Variants in HIBADH observed in about 807,000 individuals in gnomAD.
HIBADH encodes the protein 3-hydroxyisobutyrate dehydrogenase, mitochondrial.
A neutral mutation model predicts 36.1 loss-of-function variants in HIBADH; 25 were observed. The observed-to-expected ratio is 0.69, with a 90% CI of 0.50 to 0.97. The LOEUF is 0.97. HIBADH is among the 50% of genes least tolerant of loss of function. The pLI is 0.00. For missense variants in HIBADH, 421 were observed against 418.0 expected, an observed-to-expected ratio of 1.01 and a Z score of -0.06; for synonymous variants, 160 against 149.5, an observed-to-expected ratio of 1.07 and a Z score of -0.51.
intron 4 of HIBADH, among the ~76,000 whole-genome samples, chr7:27,591,848 C>G (rs1488004388): frequency 6.6e-6 from 1 of 152,140 alleles, no homozygotes; most frequent in Non-Finnish European, 1.5e-5. Flanking sequence ...TCATGCTAGC[C>G]TTTTATATCC....
intron 2 of HIBADH, among the ~76,000 whole-genome samples, chr7:27,643,585 T>G (rs149183644): frequency 6.6e-6 from 1 of 152,216 alleles, no homozygotes; most frequent in African/African-American, 2.4e-5. Flanking sequence ...CTAAGTGGTA[T>G]AGAAAGATTC....
At chr7:27,610,078 C>T (rs1335025766) in intron 4 of HIBADH, among the ~76,000 whole-genome samples, 1 of 152,028 alleles carries the variant, frequency 6.6e-6, no homozygotes, top group Non-Finnish European at 1.5e-5. Context: ...CTCAGCCTCC[C>T]AAAGTGCTGG....
chr7:27,569,456 T>C (rs1040147890), intron 4 of HIBADH, among the ~76,000 whole-genome samples: 1 of 152,160 alleles, frequency 6.6e-6, no homozygotes, highest in African/African-American at 2.4e-5. Context: ...CAGGATGTAT[T>C]TGAATCTGTC....
intron 2 of HIBADH, among the ~76,000 whole-genome samples, chr7:27,643,659 A>G (rs964026198): frequency 3.9e-5 from 6 of 152,224 alleles, no homozygotes; most frequent in African/African-American, 1.4e-4. Context: ...CTGCTGCAAC[A>G]AGTTACCACA....
intron 2 of HIBADH, among the ~76,000 whole-genome samples, chr7:27,633,437 T>C (rs1000998649): frequency 6.6e-6 from 1 of 152,060 alleles, no homozygotes; most frequent in Admixed American, 6.6e-5. Context: ...GCAGAAGGAT[T>C]GCCTGAACCC....
In HIBADH at chr7:27,566,516, T is replaced by C. The variant is rs117981459; in HGVS notation, c.485-23416A>G. ...TCAAAAGTAGCAGCCTTGGGTTTTATTGATTTTCTTTAATGTTTTTCTGTT... is the reference window on the plus strand; with the variant it reads ...TCAAAAGTAGCAGCCTTGGGTTTTACTGATTTTCTTTAATGTTTTTCTGTT... On this transcript the variant is annotated intron_variant, in intron 4 of 7. Transcript: ENST00000265395. 6.6e-5 allele frequency among the ~76,000 whole-genome samples: 10 copies of C among 152,216 alleles called. No individual in the cohort carries two copies. The East Asian group carries it at 1.7e-3, about 26-fold the overall frequency.
intron 4 of HIBADH, among the ~76,000 whole-genome samples, chr7:27,584,726 C>T (rs570124457): frequency 3.3e-5 from 5 of 151,940 alleles, no homozygotes; most frequent in Admixed American, 6.5e-5. Flanking sequence ...AAGACATGTA[C>T]TCAACATTAA....
intron 4 of HIBADH, among the ~76,000 whole-genome samples, chr7:27,612,726 G>C (rs1259709713): frequency 6.6e-6 from 1 of 151,530 alleles, no homozygotes; most frequent in Non-Finnish European, 1.5e-5. Context: ...TTGGGCCTAA[G>C]AGTTGGAGAT....
intron 4 of HIBADH, among the ~76,000 whole-genome samples, chr7:27,615,476 T>C (rs539682781): frequency 7.9e-5 from 12 of 152,318 alleles, no homozygotes; most frequent in African/African-American, 2.2e-4. Flanking sequence ...GTTTAACAGC[T>C]AGACATACTA....
chr7:27,573,777 T>C (rs1196399921), intron 4 of HIBADH, among the ~76,000 whole-genome samples: 2 of 152,180 alleles, frequency 1.3e-5, no homozygotes, highest in East Asian at 3.8e-4. Context: ...GTGCTTTAAG[T>C]GTAAAACACA....
intron 6 of HIBADH, among the ~76,000 whole-genome samples, chr7:27,536,542 T>C (rs1370858309): frequency 6.6e-6 from 1 of 152,252 alleles, no homozygotes; most frequent in South Asian, 2.1e-4. Context: ...CTTACATCTC[T>C]ATTTTTTATC....
intron 4 of HIBADH, among the ~76,000 whole-genome samples, chr7:27,549,255 TGA>T (rs1404231490): frequency 6.6e-6 from 1 of 152,210 alleles, no homozygotes; most frequent in African/African-American, 2.4e-5. Flanking sequence ...TGAAAATTGC[TGA>T]GAGTAGATTT....
chr7:27,645,368 A>ATGG (rs1554300959), intron 2 of HIBADH, among the ~76,000 whole-genome samples: 10 of 59,650 alleles, frequency 1.7e-4, no homozygotes, highest in African/African-American at 3.8e-4. Context: ...CATGGTTTTG[A>ATGG]TTTTTTTTTT....
intron 3 of HIBADH, 91 bp from the exon 4 acceptor site, chr7:27,629,583 G>A (rs1785711417): frequency 1.2e-6 from 1 of 815,100 alleles, no homozygotes; most frequent in African/African-American, 1.8e-5. Flanking sequence ...CTGAAAAGCT[G>A]CCATATATCA....
At chr7:27,546,184 C>A (rs915978981) in intron 4 of HIBADH, among the ~76,000 whole-genome samples, 1 of 152,132 alleles carries the variant, frequency 6.6e-6, no homozygotes, top group Non-Finnish European at 1.5e-5. Context: ...CTCACTGCAG[C>A]CTCAACTTCC....
chr7:27,598,249 T>C lies in HIBADH; in HGVS notation c.484+31122A>G, dbSNP rs574118795. On this transcript the variant is annotated intron_variant, in intron 4 of 7. Transcript: ENST00000265395. ...TTGCTATGCTACATGAATGGGAGAA[T>C]TGAACATTTTATTTCTGGAATATAA... Among the ~76,000 whole-genome samples, 17 of 152,290 alleles carry C rather than the reference T, an allele frequency of 1.1e-4. No homozygotes were observed. In the South Asian group the frequency reaches 2.9e-3, roughly 26 times the overall value.
intron 1 of HIBADH, among the ~76,000 whole-genome samples, chr7:27,650,177 G>A (rs1157195932): frequency 1.3e-5 from 2 of 150,726 alleles, no homozygotes; most frequent in Non-Finnish European, 2.9e-5. Context: ...ATAAAAGACA[G>A]AAAGTATTCA....
At chr7:27,662,512 AG>A (rs1172069784) in intron 1 of HIBADH, among the ~76,000 whole-genome samples, 185 bp downstream of exon 1, 2 of 152,206 alleles carry the variant, frequency 1.3e-5, no homozygotes, top group African/African-American at 2.4e-5. Context: ...GGGAAGGCAG[AG>A]GGGGGTACTC....
chr7:27,653,831 T>A (rs1786245782), intron 1 of HIBADH, among the ~76,000 whole-genome samples: 1 of 151,758 alleles, frequency 6.6e-6, no homozygotes, highest in Non-Finnish European at 1.5e-5. Context: ...AGTTAAGAGG[T>A]GAAATTTGTA....
Sources: allele counts gnomAD v4.1 joint callset (sites outside exome capture counted in the v4.1 genomes callset), GRCh38; gene constraint gnomAD v4.1.1; transcripts MANE v1.5; gene names NCBI Gene and HGNC (gene_info 2026-07-23, HGNC 2026-07-21).